ANO4: variants seen among roughly 807,000 people sequenced by gnomAD.
ANO4 encodes anoctamin-4.
In ANO4, 69 loss-of-function variants were observed where a neutral mutation model predicts 141.9. The ratio of observed to expected loss-of-function variants is 0.49; its 90% CI spans 0.40 to 0.59. The LOEUF (loss-of-function observed/expected upper bound fraction) is 0.59, where lower values mean the gene tolerates loss of function less well. ANO4 is among the 20% of genes least tolerant of loss of function. The probability of loss-of-function intolerance (pLI) is 0.00; values close to 1 mark genes in which losing one functional copy is unlikely to be tolerated. For synonymous variants in ANO4, 350 were observed against 394.3 expected (o/e 0.89, Z 1.33); for missense variants, 894 against 1,162.2 (o/e 0.77, Z 3.36).
At chr12:100,925,752 CTATT>C (rs1419696326) in intron 3 of ANO4, among the ~76,000 whole-genome samples, 12 of 140,230 alleles carry the variant, frequency 8.6e-5, no homozygotes, top group African/African-American at 5.3e-5. Context: ...AATGTTGTGA[CTATT>C]TATATATAGT....
intron 1 of ANO4, among the ~76,000 whole-genome samples, chr12:100,806,223 G>A (rs2035014041): frequency 6.6e-6 from 1 of 152,124 alleles, no homozygotes; most frequent in Non-Finnish European, 1.5e-5. Flanking sequence ...GGGTATGTGA[G>A]TTTAAAAATT....
chr12:100,921,214 C>T (rs959873189), intron 2 of ANO4, among the ~76,000 whole-genome samples: 4 of 152,202 alleles, frequency 2.6e-5, no homozygotes, highest in African/African-American at 9.6e-5. Flanking sequence ...CCCTGCCCTC[C>T]CAAGGCTTAT....
At chr12:101,036,565 G>A (rs1006594630) in intron 9 of ANO4, among the ~76,000 whole-genome samples, 2 of 152,148 alleles carry the variant, frequency 1.3e-5, no homozygotes, top group South Asian at 2.1e-4. Flanking sequence ...AACTTGGAAG[G>A]CATCATGCTA....
intron 7 of ANO4, among the ~76,000 whole-genome samples, chr12:100,984,362 C>T (rs1437044023): frequency 2.0e-5 from 3 of 152,172 alleles, no homozygotes; most frequent in African/African-American, 4.8e-5. Context: ...AGGCAGATCA[C>T]GGGGATTTTA....
intron 2 of ANO4, among the ~76,000 whole-genome samples, chr12:100,914,991 A>AT (rs1221034356): frequency 6.7e-6 from 1 of 149,808 alleles, no homozygotes; most frequent in African/African-American, 2.5e-5. Context: ...ATTTTATTTT[A>AT]TATTTTTTTT....
intron 17 of ANO4, among the ~76,000 whole-genome samples, chr12:101,093,121 A>G (rs2049845076): frequency 6.6e-6 from 1 of 152,210 alleles, no homozygotes; most frequent in Admixed American, 6.5e-5. Context: ...ACTGGACTCC[A>G]AGAGTCTGAG....
At chr12:100,939,239 G>A (rs1399609170) in intron 3 of ANO4, 76 bp from the exon 4 acceptor site, 3 of 1,412,624 alleles carry the variant, frequency 2.1e-6, no homozygotes, top group East Asian at 4.6e-5. Context: ...CCCAAAGGGA[G>A]ATGTTTTCTC....
At chr12:100,820,766 A>G (rs1276905055) in intron 1 of ANO4, among the ~76,000 whole-genome samples, 2 of 152,018 alleles carry the variant, frequency 1.3e-5, no homozygotes, top group Admixed American at 6.6e-5. Context: ...TGGGTTTGCA[A>G]TGCTGGGTTG....
chr12:100,852,604 T>C (rs1347005779), intron 1 of ANO4: 2 of 152,186 alleles, frequency 1.3e-5, no homozygotes, highest in South Asian at 2.1e-4. Flanking sequence ...TCCTCAGTAG[T>C]AGGCTTCTGA....
At chr12:100,841,943 G>T (rs2037271233) in intron 1 of ANO4, among the ~76,000 whole-genome samples, 1 of 151,768 alleles carries the variant, frequency 6.6e-6, no homozygotes, top group African/African-American at 2.4e-5. Context: ...TGCCTCTTTG[G>T]GGATCTGGAA....
intron 9 of ANO4, among the ~76,000 whole-genome samples, chr12:101,034,506 G>C (rs943032591): frequency 2.6e-5 from 4 of 152,070 alleles, no homozygotes; most frequent in Non-Finnish European, 5.9e-5. Flanking sequence ...AGGGTGAGGG[G>C]ATGGAAGTTA....
chr12:101,111,053 A>G (rs889888159), intron 23 of ANO4, among the ~76,000 whole-genome samples: 3 of 152,228 alleles, frequency 2.0e-5, no homozygotes, highest in Non-Finnish European at 2.9e-5. Context: ...TTCTGCATTC[A>G]GTGCTTAGCA....
intron 1 of ANO4, among the ~76,000 whole-genome samples, chr12:100,834,546 T>C (rs2036802761): frequency 6.6e-6 from 1 of 152,246 alleles, no homozygotes; most frequent in South Asian, 2.1e-4. Context: ...TTATTAACCC[T>C]TTAATATACA....
Position 101,019,349 on chromosome 12 carries a change from G to C in ANO4, c.735-685G>C, listed in dbSNP as rs770786620. Among the ~76,000 whole-genome samples the C allele has an allele frequency of 3.9e-5, 6 of 152,110 alleles. No homozygotes were observed. The South Asian group carries it at 1.2e-3, about 31-fold the overall frequency. On this transcript the variant is annotated intron_variant, in intron 8 of 27. Transcript: ENST00000392977. ...TAGAAAACCTCTTAGTAGGGTACAA[G>C]CACCTACTGGAAAGCCGTGTGTGTG... is the stretch of plus-strand genomic sequence containing the variant.
At chr12:101,032,442 G>T (rs1035874989) in intron 9 of ANO4, among the ~76,000 whole-genome samples, 5 of 151,318 alleles carry the variant, frequency 3.3e-5, no homozygotes, top group African/African-American at 1.2e-4. Context: ...CAAAGCAATG[G>T]CAACAAAAGC....
At chr12:100,795,703 G>A (rs1240542475) in intron 1 of ANO4, among the ~76,000 whole-genome samples, 1 of 152,194 alleles carries the variant, frequency 6.6e-6, no homozygotes, top group Non-Finnish European at 1.5e-5. Flanking sequence ...TCAGAGAGTG[G>A]TAGGGCAGTG....
At position 100,795,286 on chromosome 12, in the gene ANO4, C is replaced by T. The variant is rs141902127; in HGVS notation, c.-141+259C>T. On this transcript the variant is annotated intron_variant, in intron 1 of 27. Transcript: ENST00000392977. ...CTGTCTTTGTCCTTGAAGCAGCAGC[C>T]GGGGAAATGTGTTCACGATGGTAAA... 5.8e-3 allele frequency among the ~76,000 whole-genome samples: 882 copies of T among 152,204 alleles called. 9 individuals are homozygous for T. Among genetic ancestry groups the T allele is most frequent in the South Asian group, 0.015 (73 of 4,818 alleles).
At chr12:100,756,627 C>A (rs1484434618) in intron 3 of ANO4, among the ~76,000 whole-genome samples, 2 of 152,158 alleles carry the variant, frequency 1.3e-5, no homozygotes, top group Non-Finnish European at 2.9e-5. Flanking sequence ...GGATTACAGG[C>A]ATGAGCCACT....
chr12:100,965,254 C>T (rs756076869), intron 5 of ANO4, among the ~76,000 whole-genome samples: 1 of 152,100 alleles, frequency 6.6e-6, no homozygotes, highest in South Asian at 2.1e-4. Flanking sequence ...ATTCTAGGCA[C>T]GGGATTTTTT....
Sources: allele counts gnomAD v4.1 joint callset (sites outside exome capture counted in the v4.1 genomes callset), GRCh38; gene constraint gnomAD v4.1.1; transcripts MANE v1.5; gene names NCBI Gene and HGNC (gene_info 2026-07-23, HGNC 2026-07-21).